Variants in YTHDF2 observed in about 807,000 individuals in gnomAD.
YTHDF2 encodes the protein YTH N6-methyladenosine RNA binding protein F2, also known as YTH domain-containing family protein 2.
In YTHDF2, 2 loss-of-function variants were observed where a neutral mutation model predicts 50.4. That is an observed-to-expected ratio of 0.04 (90% CI 0.02 to 0.12). The LOEUF (loss-of-function observed/expected upper bound fraction) is 0.12. Ranked by LOEUF, YTHDF2 falls within the 10% of genes least tolerant of loss-of-function variation. The probability of loss-of-function intolerance (pLI) is 1.00; values close to 1 mark genes in which losing one functional copy is unlikely to be tolerated. For missense variants in YTHDF2, 483 were observed against 722.6 expected, an observed-to-expected ratio of 0.67 and a Z score of 3.80; for synonymous variants, 217 against 255.6, an observed-to-expected ratio of 0.85 and a Z score of 1.44.
chr1:28,743,404 T>G lies in YTHDF2; in HGVS notation c.1134T>G (p.Ser378=). Residue 378 remains serine, a synonymous_variant, in exon 4 of 5, where the codon TCT becomes TCG. Coordinates refer to ENST00000373812, the MANE Select transcript of YTHDF2 (RefSeq NM_016258.3). This position sits in a 1 kb window ranked among gnomAD's most constrained non-coding sequence, Gnocchi z 6.9. ...GNGVGQSQAG[S]GSTPSEPHPV... ...GAGTAGGACAGTCTCAGGCTGGTTC[T>G]GGATCTACTCCTTCAGAACCCCACC... 1 of 1,614,212 alleles carries G rather than the reference T, an allele frequency of 6.2e-7. No individual in the cohort carries two copies. Among genetic ancestry groups the G allele is most frequent in the Non-Finnish European group, 8.5e-7 (1 of 1,180,038 alleles).
intron 4 of YTHDF2, among the ~76,000 whole-genome samples, chr1:28,760,271 T>TTG (rs28969505): frequency 0.04 from 5,845 of 147,240 alleles, 137 homozygotes; most frequent in East Asian, 0.11. Context: ...ACATAGTAGG[T>TTG]TGTGTGTGTG....
intron 4 of YTHDF2, among the ~76,000 whole-genome samples, chr1:28,745,636 A>G (rs1018432286): frequency 6.6e-6 from 1 of 151,428 alleles, no homozygotes; most frequent in Non-Finnish European, 1.5e-5. Context: ...GAGGTAGGAG[A>G]ATCACTTGAA....
rs369588155 is a variant in YTHDF2, at chr1:28,743,068, A to G, written c.798A>G (p.Pro266=). Residue 266 remains proline (P), a synonymous_variant, in exon 4 of 5, where the codon CCA becomes CCG. Transcript: ENST00000373812. This position sits in a 1 kb window ranked among gnomAD's most constrained non-coding sequence, Gnocchi z 6.9. ...GCATTGCAGGGTCAAGTCTTCCGCC[A>G]CCCCCGATAAAGCATAACATGGATA... The part of the protein sequence containing the change: ...KNGIAGSSLP[P]PPIKHNMDIG... 23 of 1,613,930 alleles carry G rather than the reference A, an allele frequency of 1.4e-5. No individual in the cohort carries two copies. The African/African-American group carries it at 2.7e-4, about 19-fold the overall frequency.
In YTHDF2 at chr1:28,742,466, T is replaced by G. The variant is rs777998164; in HGVS notation, c.196T>G (p.Phe66Val). The G allele has an allele frequency of 6.2e-7, 1 of 1,612,076 alleles. No homozygotes were observed. Among genetic ancestry groups the G allele is most frequent in the South Asian group, 1.1e-5 (1 of 90,806 alleles). ...CAGTTACTACAGTCCCTCCATTGGC[T>G]TCTCCTATTCTTTGGGTGAAGCTGC... ...LPSYYSPSIG[F>V]SYSLGEAAWS... Residue 66 changes from phenylalanine to valine, a missense_variant, in exon 4 of 5, where the codon TTC becomes GTC. By Grantham distance (50) the Phe-to-Val change is conservative (BLOSUM62 -1). Transcript: ENST00000373812.
At chr1:28,750,903 G>A (rs1044727981) in intron 4 of YTHDF2, among the ~76,000 whole-genome samples, 1 of 151,544 alleles carries the variant, frequency 6.6e-6, no homozygotes, top group Non-Finnish European at 1.5e-5. Flanking sequence ...GACCATCCTG[G>A]GCAACATGGT....
At chr1:28,737,833 T>G in intron 2 of YTHDF2, 151 bp downstream of exon 2, 1 of 879,442 alleles carries the variant, frequency 1.1e-6, no homozygotes, top group Non-Finnish European at 1.7e-6. Flanking sequence ...CCTTTCGGTG[T>G]GTTCTTGCAG....
rs1173757772 is a variant in YTHDF2 at position 28,742,390 on chromosome 1, T to C, written c.133-13T>C. 1.3e-6 allele frequency: 2 copies of C among 1,528,842 alleles called. No homozygotes were observed. Among genetic ancestry groups the C allele is most frequent in the South Asian group, 2.6e-5 (2 of 77,026 alleles). The allele number at this position is 1,528,842 out of a possible 1,614,324, so 94.7% of individuals were successfully genotyped here. On this transcript the variant is annotated splice_polypyrimidine_tract_variant and intron_variant, in intron 3 of 4. Transcript: ENST00000373812. ...TTTTTGTGTTTTGATTTGCCTTTTT[T>C]TTTCTTCCACAGAATAATGCATATA...
At chr1:28,747,002 C>T (rs1296564803) in intron 4 of YTHDF2, among the ~76,000 whole-genome samples, 2 of 150,096 alleles carry the variant, frequency 1.3e-5, no homozygotes, top group Admixed American at 6.6e-5. Context: ...GAATCGCTTA[C>T]ACCTGGGAGG....
intron 3 of YTHDF2, chr1:28,739,216 T>TC (rs1413270017): frequency 6.6e-6 from 1 of 152,144 alleles, no homozygotes; most frequent in African/African-American, 2.4e-5. Context: ...TAAAAAATAG[T>TC]CACCTGAACT....
chr1:28,737,509 AT>A, intron 1 of YTHDF2, 148 bp from the exon 2 acceptor site: 1 of 1,103,172 alleles, frequency 9.1e-7, no homozygotes. Flanking sequence ...CCCGCCTCCC[AT>A]TTTCAGCCTC....
chr1:28,752,564 G>A (rs1014689703), intron 4 of YTHDF2, among the ~76,000 whole-genome samples: 2 of 152,148 alleles, frequency 1.3e-5, no homozygotes, highest in African/African-American at 4.8e-5. Context: ...AAAGTGCTGG[G>A]ATTACAGGTG....
At chr1:28,739,270 T>G (rs1225313065) in intron 3 of YTHDF2, 1 of 152,086 alleles carries the variant, frequency 6.6e-6, no homozygotes, top group Admixed American at 6.6e-5. Context: ...TTCTCTAGTT[T>G]ATGGGTTCTT....
intron 4 of YTHDF2, among the ~76,000 whole-genome samples, chr1:28,765,649 A>C (rs912231169): frequency 2.0e-5 from 3 of 151,878 alleles, no homozygotes; most frequent in Non-Finnish European, 4.4e-5. Context: ...ACAGGGTCTC[A>C]CTATGTTGCC....
At chr1:28,756,170 T>C (rs1445501642) in intron 4 of YTHDF2, among the ~76,000 whole-genome samples, 4 of 152,202 alleles carry the variant, frequency 2.6e-5, no homozygotes, top group Non-Finnish European at 5.9e-5. Context: ...TAAAGCTCTT[T>C]TGTTTGCCTA....
chr1:28,757,217 A>C (rs2088047328), intron 4 of YTHDF2, among the ~76,000 whole-genome samples: 2 of 152,256 alleles, frequency 1.3e-5, no homozygotes, highest in Admixed American at 1.3e-4. Flanking sequence ...CTAGGGCAGC[A>C]TATATTAAAG....
intron 3 of YTHDF2, among the ~76,000 whole-genome samples, chr1:28,739,796 C>T (rs1570460282): frequency 6.6e-6 from 1 of 152,164 alleles, no homozygotes; most frequent in East Asian, 1.9e-4. Flanking sequence ...CTAATATGAC[C>T]TGTGCATGTA....
chr1:28,757,028 A>G (rs934836323), intron 4 of YTHDF2, among the ~76,000 whole-genome samples: 2 of 152,336 alleles, frequency 1.3e-5, no homozygotes, highest in African/African-American at 4.8e-5. Context: ...AACAGTTTAA[A>G]TATGCATGCT....
At chr1:28,752,149 T>C (rs565302831) in intron 4 of YTHDF2, among the ~76,000 whole-genome samples, 1 of 152,380 alleles carries the variant, frequency 6.6e-6, no homozygotes, top group South Asian at 2.1e-4. Context: ...AATACCTTTC[T>C]GTACATTAAA....
chr1:28,739,115 C>T (rs2087739269), intron 3 of YTHDF2: 1 of 152,062 alleles, frequency 6.6e-6, no homozygotes, highest in South Asian at 2.1e-4. Flanking sequence ...CTCTTGAGCC[C>T]AGAAGTTTGA....
Sources: allele counts gnomAD v4.1 joint callset (sites outside exome capture counted in the v4.1 genomes callset), GRCh38; gene constraint gnomAD v4.1.1; non-coding constraint Gnocchi (gnomAD v3.1); transcripts MANE v1.5; gene names NCBI Gene and HGNC (gene_info 2026-07-23, HGNC 2026-07-21).